FAM91A1: variants seen among roughly 807,000 people sequenced by gnomAD.
FAM91A1 encodes protein FAM91A1.
Under a neutral mutation model 113.5 loss-of-function variants are expected in FAM91A1, and 41 were observed. That is an observed-to-expected ratio of 0.36 (90% CI 0.28 to 0.47). The LOEUF (loss-of-function observed/expected upper bound fraction) is 0.47, where lower values mean the gene tolerates loss of function less well. Among genes scored for constraint, FAM91A1 ranks in the 20% least tolerant of loss-of-function variants. The pLI is 1.00. For synonymous variants in FAM91A1, 307 were observed against 347.9 expected, an observed-to-expected ratio of 0.88 and a Z score of 1.31; for missense variants, 696 against 1,001.2, an observed-to-expected ratio of 0.70 and a Z score of 4.11.
rs777581684 is a variant in FAM91A1 at position 123,799,565 on chromosome 8, C to T, written c.1606C>T (p.Leu536=). 2.5e-6 allele frequency: 4 copies of T among 1,613,980 alleles called. No individual in the cohort carries two copies. Among genetic ancestry groups the T allele is most frequent in the Non-Finnish European group, 3.4e-6 (4 of 1,179,960 alleles). Residue 536 remains leucine (L), a synonymous_variant, in exon 17 of 24, where the codon CTG becomes TTG. Transcript: ENST00000334705. ...IPEVSSVWFK[L]YIYHVTGQGP... ...AGAAGTCAGCTCTGTCTGGTTTAAA[C>T]TGTACATTTATCATGTCACTGGACA...
chr8:123,810,750 A>G (rs1563651002), intron 23 of FAM91A1: 1 of 201,634 alleles, frequency 5.0e-6, no homozygotes, highest in Admixed American at 6.2e-5. Context: ...CCCATCCCCA[A>G]GGAAAGAAAG....
At chr8:123,794,199 C>T (rs543283225) in intron 15 of FAM91A1, among the ~76,000 whole-genome samples, 5 of 152,232 alleles carry the variant, frequency 3.3e-5, no homozygotes, top group Admixed American at 1.3e-4. Flanking sequence ...TATGAGTAAA[C>T]GTTTTGGAAC....
At position 123,813,396 on chromosome 8, in the gene FAM91A1, G is replaced by A. The variant is rs1382155325; in HGVS notation, c.*692G>A. The A allele has an allele frequency of 6.6e-6, 1 of 152,576 alleles. No homozygotes were observed. Among genetic ancestry groups the A allele is most frequent in the Non-Finnish European group, 1.5e-5 (1 of 68,006 alleles). The allele number at this position is 152,576 out of a possible 1,614,324, so 9.5% of individuals were successfully genotyped here. Reference sequence around the variant, plus strand: ...AAACACCATTTATATGTGGACTTCTGTTGTCACTGACTTTGGGCTTTATAT... The same window carrying A: ...AAACACCATTTATATGTGGACTTCTATTGTCACTGACTTTGGGCTTTATAT... On this transcript the variant is annotated 3_prime_UTR_variant, in exon 24 of 24. Coordinates refer to ENST00000334705, the MANE Select transcript of FAM91A1 (RefSeq NM_144963.4).
intron 6 of FAM91A1, 44 bp downstream of exon 6, chr8:123,778,816 T>C (rs1586371625): frequency 3.9e-6 from 5 of 1,274,784 alleles, no homozygotes; most frequent in East Asian, 5.8e-5. Context: ...TATTTTTTAG[T>C]TTATTTTACA....
intron 15 of FAM91A1, among the ~76,000 whole-genome samples, chr8:123,790,891 C>T (rs1388509783): frequency 1.3e-5 from 2 of 152,144 alleles, no homozygotes; most frequent in African/African-American, 4.8e-5. Context: ...TGCCGAGAGT[C>T]CTAAGCACTT....
chr8:123,785,497 A>C, intron 10 of FAM91A1, 132 bp from the exon 11 acceptor site: 1 of 669,650 alleles, frequency 1.5e-6, no homozygotes, highest in South Asian at 1.9e-5. Flanking sequence ...AGGTCTACTG[A>C]AAATAGTTTC....
intron 15 of FAM91A1, among the ~76,000 whole-genome samples, chr8:123,797,253 T>TA (rs1241841651): frequency 1.4e-4 from 21 of 152,272 alleles, no homozygotes; most frequent in African/African-American, 4.8e-4. Flanking sequence ...GCTTTTGACT[T>TA]ATGTGCACTC....
rs1815197390 is a variant in FAM91A1, at chr8:123,784,298, C to A, written c.704-172C>A. 2.0e-5 allele frequency among the ~76,000 whole-genome samples: 3 copies of A among 152,164 alleles called. No individual in the cohort carries two copies. In the South Asian group the frequency reaches 6.2e-4, roughly 32 times the overall value. On this transcript the variant is annotated intron_variant, in intron 8 of 23. Transcript: ENST00000334705. ...TTCGTGTCTACCTTCAGAGTCTTCT[C>A]TGTGTACGTATTGTAGAGTTTCAGA...
At chr8:123,811,508 A>G (rs2130170215) in intron 23 of FAM91A1, 1 of 152,272 alleles carries the variant, frequency 6.6e-6, no homozygotes, top group African/African-American at 2.4e-5. Context: ...AAATTAAACT[A>G]ATTTGGGATA....
chr8:123,786,400 G>T, intron 11 of FAM91A1, 95 bp from the exon 12 acceptor site: 1 of 926,086 alleles, frequency 1.1e-6, no homozygotes. Flanking sequence ...GAATTTTGAT[G>T]GATTGTTCAT....
chr8:123,806,166 A>C lies in FAM91A1; in HGVS notation c.1969A>C (p.Thr657Pro). 1.9e-6 allele frequency: 3 copies of C among 1,613,588 alleles called. No homozygotes were observed. Among genetic ancestry groups the C allele is most frequent in the Non-Finnish European group, 2.5e-6 (3 of 1,179,668 alleles). The change falls in exon 20 of 24, where the codon ACC (threonine) becomes CCC (proline). Residue 657 changes from threonine (T) to proline (P), a missense_variant. Thr to Pro is a conservative substitution (Grantham distance 38). Transcript: ENST00000334705. ...CTTACAGCATCTCTGTGGATATGTC[A>C]CCATGTTGAATGCTTCCAGCCAACT... Reference protein sequence around the residue: ...VDLQHLCGYVTMLNASSQLAD... With the variant: ...VDLQHLCGYVPMLNASSQLAD...
intron 11 of FAM91A1, 28 bp from the exon 12 acceptor site, chr8:123,786,467 A>G (rs1213244643): frequency 6.7e-7 from 1 of 1,495,406 alleles, no homozygotes; most frequent in Non-Finnish European, 9.3e-7. Flanking sequence ...TATGATTTTT[A>G]AAAAGCAAAT....
intron 23 of FAM91A1, chr8:123,811,213 A>C (rs112467469): frequency 2.0e-5 from 3 of 152,380 alleles, no homozygotes; most frequent in Admixed American, 6.5e-5. Context: ...CAGAAACTTC[A>C]TGAAAGAGGG....
intron 18 of FAM91A1, among the ~76,000 whole-genome samples, chr8:123,801,515 G>A (rs1293290655): frequency 1.3e-5 from 2 of 152,222 alleles, no homozygotes; most frequent in Non-Finnish European, 2.9e-5. Flanking sequence ...AATTGAATGT[G>A]CATATTTTGC....
At chr8:123,808,632 T>G (rs554387294) in intron 21 of FAM91A1, 193 of 500,074 alleles carry the variant, frequency 3.9e-4, no homozygotes, top group African/African-American at 3.4e-3. Context: ...ATACTCTTTT[T>G]TGGGCAAATG....
At chr8:123,787,117 G>C in intron 12 of FAM91A1, 144 bp from the exon 13 acceptor site, 4 of 614,264 alleles carry the variant, frequency 6.5e-6, no homozygotes, top group African/African-American at 1.8e-5. Context: ...GGTATGGCTG[G>C]AACTTCTTAT....
chr8:123,781,616 T>C (rs915556028), intron 8 of FAM91A1, among the ~76,000 whole-genome samples: 5 of 152,002 alleles, frequency 3.3e-5, no homozygotes, highest in Admixed American at 6.6e-5. Flanking sequence ...TAGCTGGGAT[T>C]ATAGGCACCC....
At chr8:123,806,907 T>C (rs1027105464) in intron 20 of FAM91A1, among the ~76,000 whole-genome samples, 19 of 152,128 alleles carry the variant, frequency 1.2e-4, no homozygotes, top group Non-Finnish European at 2.8e-4. Context: ...CTTACTTTTT[T>C]TTTTTTTAAT....
intron 15 of FAM91A1, among the ~76,000 whole-genome samples, chr8:123,797,585 T>C (rs1424688073): frequency 2.0e-5 from 3 of 152,246 alleles, no homozygotes; most frequent in Admixed American, 1.3e-4. Flanking sequence ...TTATGATTTT[T>C]TTTCTAGTTT....
Sources: gnomAD v4.1 joint callset for allele counts (sites outside exome capture counted in the v4.1 genomes callset) on GRCh38, gnomAD v4.1.1 for gene constraint, MANE v1.5 for transcripts, NCBI Gene and HGNC (gene_info 2026-07-23, HGNC 2026-07-21) for gene names.